LIN52: variants seen among roughly 807,000 people sequenced by gnomAD.
LIN52 encodes protein lin-52 homolog.
Under a neutral mutation model 18.5 loss-of-function variants are expected in LIN52, and 4 were observed. The ratio of observed to expected loss-of-function variants is 0.22; its 90% CI spans 0.11 to 0.49. The LOEUF is 0.49. Among genes scored for constraint, LIN52 ranks in the 20% least tolerant of loss-of-function variants. LIN52 has a pLI of 0.97. For missense variants in LIN52, 102 were observed against 139.5 expected (o/e 0.73, Z 1.35); for synonymous variants, 34 against 45.5 (o/e 0.75, Z 1.02).
At chr14:74,124,370 G>A (rs1183101860) in intron 5 of LIN52, among the ~76,000 whole-genome samples, 1 of 152,206 alleles carries the variant, frequency 6.6e-6, no homozygotes, top group Non-Finnish European at 1.5e-5. Flanking sequence ...ACTGTAAGTA[G>A]ATTAGAAAGC....
intron 5 of LIN52, among the ~76,000 whole-genome samples, chr14:74,142,883 T>C (rs1162418925): frequency 6.8e-6 from 1 of 147,250 alleles, no homozygotes; most frequent in Non-Finnish European, 1.5e-5. Flanking sequence ...GTCTGTTTGG[T>C]TCTTTACAAA....
intron 5 of LIN52, among the ~76,000 whole-genome samples, chr14:74,161,187 T>G (rs1376221147): frequency 6.6e-6 from 1 of 151,986 alleles, no homozygotes; most frequent in Admixed American, 6.6e-5. Context: ...AGGGAAAAAT[T>G]TATTTATTTA....
chr14:74,181,874 T>C (rs140635277), intron 5 of LIN52, among the ~76,000 whole-genome samples: 111 of 152,328 alleles, frequency 7.3e-4, no homozygotes, highest in African/African-American at 2.4e-3. Flanking sequence ...TACCTGATTG[T>C]GATGTGGTTT....
At chr14:74,177,048 G>C (rs2061297357) in intron 5 of LIN52, among the ~76,000 whole-genome samples, 2 of 151,868 alleles carry the variant, frequency 1.3e-5, no homozygotes. Flanking sequence ...GCCCAGGCCG[G>C]AGTGCAATGG....
At chr14:74,098,053 A>G (rs113664292) in intron 4 of LIN52, among the ~76,000 whole-genome samples, 193 bp downstream of exon 4, 7 of 152,274 alleles carry the variant, frequency 4.6e-5, no homozygotes, top group African/African-American at 1.7e-4. Context: ...TGCCAATTCA[A>G]GACTCAGTCA....
intron 5 of LIN52, among the ~76,000 whole-genome samples, chr14:74,106,883 G>A (rs1485339735): frequency 2.0e-5 from 3 of 152,202 alleles, no homozygotes; most frequent in Non-Finnish European, 4.4e-5. Flanking sequence ...GAGCCACCAC[G>A]CCCGGCCCCG....
chr14:74,180,218 A>G (rs963386774), intron 5 of LIN52, among the ~76,000 whole-genome samples: 2 of 151,968 alleles, frequency 1.3e-5, no homozygotes, highest in Admixed American at 6.6e-5. Context: ...ACCGAGGACA[A>G]ACTCTTGGTG....
chr14:74,185,816 G>A (rs1180400538), intron 5 of LIN52, among the ~76,000 whole-genome samples: 1 of 152,122 alleles, frequency 6.6e-6, no homozygotes, highest in Non-Finnish European at 1.5e-5. Flanking sequence ...CTGGAGTGTA[G>A]TGACACGATC....
Position 74,158,127 on chromosome 14 carries a change from T to A in LIN52, c.284-40795T>A, listed in dbSNP as rs201694532. Among the ~76,000 whole-genome samples the A allele has an allele frequency of 5.2e-4, 78 of 150,788 alleles. No individual in the cohort carries two copies. The South Asian group carries it at 7.3e-3, about 14-fold the overall frequency. On this transcript the variant is annotated intron_variant, in intron 5 of 5. Transcript: ENST00000555028. The stretch of plus-strand genomic sequence containing the variant: ...CTGCTATATATATATATATATATAT[T>A]TTTTTGAGATAGAGTCTCCCTCTGT...
intron 5 of LIN52, among the ~76,000 whole-genome samples, chr14:74,109,004 G>A (rs72627156): frequency 0.17 from 26,192 of 152,056 alleles, 2,756 homozygotes; most frequent in East Asian, 0.58. Flanking sequence ...ACTTATGCCT[G>A]TGTTTTCTTT....
At chr14:74,143,665 A>G (rs565014478) in intron 5 of LIN52, among the ~76,000 whole-genome samples, 2 of 152,242 alleles carry the variant, frequency 1.3e-5, no homozygotes, top group African/African-American at 4.8e-5. Context: ...TTGATACATT[A>G]TAATTGTACA....
rs2078934574 is a variant in LIN52 at position 74,199,617 on chromosome 14, G to A, written c.*640G>A. 1.3e-5 allele frequency: 2 copies of A among 152,196 alleles called. No homozygotes were observed. 9.4% of individuals were successfully genotyped at this position (152,196 alleles called of 1,614,324 possible). ...CTTCCCAGCCCCACCTTCTAGTTCT[G>A]ACTTCGGGCAGAGGGATCCCTGAGT... On this transcript the variant is annotated 3_prime_UTR_variant, in exon 6 of 6. Coordinates refer to ENST00000555028, the MANE Select transcript of LIN52 (RefSeq NM_001024674.3).
At chr14:74,111,972 C>T (rs905582732) in intron 5 of LIN52, among the ~76,000 whole-genome samples, 9 of 152,160 alleles carry the variant, frequency 5.9e-5, no homozygotes, top group African/African-American at 1.9e-4. Flanking sequence ...CCTCCGCCTC[C>T]GTGGTTCAAG....
intron 1 of LIN52, 37 bp downstream of exon 1, chr14:74,085,030 C>T (rs1424313914): frequency 2.0e-5 from 27 of 1,366,612 alleles, no homozygotes; most frequent in Non-Finnish European, 2.2e-5. Flanking sequence ...CTGCAGCCTC[C>T]TTCTTTGCTC....
chr14:74,193,356 G>A (rs897307584), intron 5 of LIN52, among the ~76,000 whole-genome samples: 6 of 151,910 alleles, frequency 3.9e-5, no homozygotes, highest in Admixed American at 3.9e-4. Context: ...TGAGGCTGCA[G>A]TGAGCTATGG....
chr14:74,162,475 C>CAA (rs35116380), intron 5 of LIN52, among the ~76,000 whole-genome samples: 40,284 of 95,100 alleles, frequency 0.42, 8,414 homozygotes, highest in Non-Finnish European at 0.5. Context: ...CTCCATCTCA[C>CAA]AAAAAAAAAA....
intron 5 of LIN52, among the ~76,000 whole-genome samples, chr14:74,102,142 C>T (rs1188105975): frequency 6.6e-6 from 1 of 152,100 alleles, no homozygotes; most frequent in East Asian, 1.9e-4. Context: ...AGTTGGGAGG[C>T]TGAGGATGGA....
At chr14:74,194,567 G>A (rs1445389624) in intron 5 of LIN52, among the ~76,000 whole-genome samples, 2 of 152,158 alleles carry the variant, frequency 1.3e-5, no homozygotes, top group Non-Finnish European at 2.9e-5. Context: ...TCCATTTGCT[G>A]TCTCTCAGTG....
chr14:74,091,950 C>T (rs906008630), intron 2 of LIN52, among the ~76,000 whole-genome samples: 1 of 151,958 alleles, frequency 6.6e-6, no homozygotes, highest in Non-Finnish European at 1.5e-5. Context: ...CAGTGTGACT[C>T]AGAAAATAAG....
Sources: allele counts gnomAD v4.1 joint callset (sites outside exome capture counted in the v4.1 genomes callset), GRCh38; gene constraint gnomAD v4.1.1; transcripts MANE v1.5; gene names NCBI Gene and HGNC (gene_info 2026-07-23, HGNC 2026-07-21).